Variants in ANTXR1 observed in about 807,000 individuals in gnomAD.
The protein encoded by ANTXR1 is anthrax toxin receptor 1.
ANTXR1 carries 19 observed loss-of-function variants against 78.1 expected under a neutral mutation model. The observed-to-expected ratio is 0.24, with a 90% CI of 0.17 to 0.36. The LOEUF (loss-of-function observed/expected upper bound fraction) is 0.36. ANTXR1 is among the 10% of genes least tolerant of loss of function. The pLI, the probability that ANTXR1 is intolerant of heterozygous loss-of-function variation, is 1.00. For missense variants in ANTXR1, 518 were observed against 718.6 expected (o/e 0.72, Z 3.19); for synonymous variants, 273 against 260.5 (o/e 1.05, Z -0.46).
chr2:69,149,626 C>A (rs1055742352), intron 12 of ANTXR1, among the ~76,000 whole-genome samples: 14 of 152,176 alleles, frequency 9.2e-5, no homozygotes, highest in Non-Finnish European at 1.2e-4. Context: ...ACTTATTATT[C>A]CAAATGCACA....
intron 8 of ANTXR1, among the ~76,000 whole-genome samples, chr2:69,077,978 G>T (rs1670791447): frequency 6.6e-6 from 1 of 152,196 alleles, no homozygotes; most frequent in Non-Finnish European, 1.5e-5. Context: ...GACCTCAAGA[G>T]TTTCTTTAAC....
At chr2:69,220,624 GTTAT>G (rs1031841250) in intron 17 of ANTXR1, among the ~76,000 whole-genome samples, 9 of 152,244 alleles carry the variant, frequency 5.9e-5, no homozygotes, top group Admixed American at 4.6e-4. Flanking sequence ...TGTATATATT[GTTAT>G]TTATTCTTTA....
intron 1 of ANTXR1, among the ~76,000 whole-genome samples, chr2:69,021,852 T>G (rs1671199723): frequency 6.6e-6 from 1 of 152,142 alleles, no homozygotes; most frequent in African/African-American, 2.4e-5. Context: ...TTGAGCCAAG[T>G]CTTGGATATA....
chr2:69,241,900 C>T (rs969057923), intron 17 of ANTXR1, among the ~76,000 whole-genome samples: 1 of 152,176 alleles, frequency 6.6e-6, no homozygotes, highest in Admixed American at 6.5e-5. Context: ...CTCCTAATAC[C>T]TGTAAGTGAC....
chr2:69,131,086 G>T (rs1672728332), intron 12 of ANTXR1, among the ~76,000 whole-genome samples: 1 of 151,288 alleles, frequency 6.6e-6, no homozygotes, highest in Non-Finnish European at 1.5e-5. Flanking sequence ...CAAAATTTCT[G>T]TTGCCACAAA....
At chr2:69,131,722 A>T (rs896940146) in intron 12 of ANTXR1, among the ~76,000 whole-genome samples, 50 of 152,164 alleles carry the variant, frequency 3.3e-4, no homozygotes, top group Non-Finnish European at 5.9e-5. Context: ...CCATGATGGC[A>T]CCTACTGGCA....
intron 10 of ANTXR1, among the ~76,000 whole-genome samples, chr2:69,106,622 G>T (rs1671816557): frequency 6.6e-6 from 1 of 152,204 alleles, no homozygotes; most frequent in Admixed American, 6.5e-5. Flanking sequence ...AAATCCACAG[G>T]TGTAATGATG....
At chr2:69,201,662 C>T (rs940981138) in intron 17 of ANTXR1, among the ~76,000 whole-genome samples, 1 of 152,146 alleles carries the variant, frequency 6.6e-6, no homozygotes, top group Non-Finnish European at 1.5e-5. Context: ...AGCAAATAAT[C>T]ACAGATTTGG....
chr2:69,241,601 G>A (rs190759242), intron 17 of ANTXR1, among the ~76,000 whole-genome samples: 1 of 152,096 alleles, frequency 6.6e-6, no homozygotes, highest in South Asian at 2.1e-4. Context: ...AAGAGTGCAG[G>A]CTCTAGGGGC....
chr2:69,236,842 T>C (rs747908315), intron 17 of ANTXR1, among the ~76,000 whole-genome samples: 3 of 152,226 alleles, frequency 2.0e-5, no homozygotes, highest in Non-Finnish European at 2.9e-5. Flanking sequence ...CACAGTAAAC[T>C]ACTTTAAAAC....
intron 17 of ANTXR1, among the ~76,000 whole-genome samples, chr2:69,210,707 G>A (rs903174936): frequency 4.6e-5 from 7 of 152,094 alleles, no homozygotes; most frequent in South Asian, 2.1e-4. Flanking sequence ...AGGCCGACAG[G>A]GGTGGATCAC....
intron 1 of ANTXR1, among the ~76,000 whole-genome samples, chr2:69,039,513 C>G (rs1447071214): frequency 3.3e-5 from 5 of 151,272 alleles, no homozygotes; most frequent in Non-Finnish European, 5.9e-5. Context: ...CTGAAATAAA[C>G]TTCACCAATT....
intron 12 of ANTXR1, among the ~76,000 whole-genome samples, chr2:69,126,571 G>A (rs560178782): frequency 6.6e-6 from 1 of 152,090 alleles, no homozygotes; most frequent in East Asian, 1.9e-4. Flanking sequence ...TCCAACAGTT[G>A]GATCTGTATT....
At chr2:69,224,365 A>G (rs1675391200) in intron 17 of ANTXR1, among the ~76,000 whole-genome samples, 1 of 152,256 alleles carries the variant, frequency 6.6e-6, no homozygotes, top group African/African-American at 2.4e-5. Flanking sequence ...CACACTTTGA[A>G]AGTAGGCGAA....
chr2:69,157,352 C>T (rs1482492320), intron 13 of ANTXR1, among the ~76,000 whole-genome samples: 2 of 152,054 alleles, frequency 1.3e-5, no homozygotes, highest in Non-Finnish European at 2.9e-5. Context: ...CACCAGCTCC[C>T]ACAACTTCAA....
chr2:69,214,403 C>T (rs1045409301), intron 17 of ANTXR1, among the ~76,000 whole-genome samples: 2 of 152,224 alleles, frequency 1.3e-5, no homozygotes, highest in African/African-American at 2.4e-5. Context: ...CCACCACATA[C>T]AGCCATGGCA....
intron 12 of ANTXR1, among the ~76,000 whole-genome samples, chr2:69,149,991 T>C (rs1415668038): frequency 6.6e-6 from 1 of 152,170 alleles, no homozygotes; most frequent in African/African-American, 2.4e-5. Flanking sequence ...CTCCCCCAAC[T>C]ACCCCTGGGC....
Position 69,107,421 on chromosome 2 carries a change from GT to G in ANTXR1, c.802+4482del, listed in dbSNP as rs372756737. ...CACCTGGCTAATTTTTGTATTTTTTGTAGAGACAAGGTTTCACCATGTTGCC... is the reference window on the plus strand; with the variant it reads ...CACCTGGCTAATTTTTGTATTTTTTGAGAGACAAGGTTTCACCATGTTGCC... On this transcript the variant is annotated intron_variant, in intron 10 of 17. Transcript: ENST00000303714. Among the ~76,000 whole-genome samples the G allele has an allele frequency of 3.3e-5, 5 of 152,134 alleles. 1 individual carries two copies. In the East Asian group the frequency reaches 9.7e-4, roughly 29 times the overall value.
chr2:69,176,146 T>G (rs1674115180), intron 14 of ANTXR1, among the ~76,000 whole-genome samples: 1 of 150,792 alleles, frequency 6.6e-6, no homozygotes, highest in Non-Finnish European at 1.5e-5. Flanking sequence ...AGGCCCAAAA[T>G]TCCGTATTCT....
Sources: allele counts gnomAD v4.1 joint callset (sites outside exome capture counted in the v4.1 genomes callset), GRCh38; gene constraint gnomAD v4.1.1; transcripts MANE v1.5; gene names NCBI Gene and HGNC (gene_info 2026-07-23, HGNC 2026-07-21).